The following CPSF3 variants were observed in gnomAD, a reference collection of about 807,000 sequenced individuals.
CPSF3 encodes the protein cleavage and polyadenylation specific factor 3.
In CPSF3, 57 loss-of-function variants were observed where a neutral mutation model predicts 84.1. That is an observed-to-expected ratio of 0.68 (90% CI 0.55 to 0.85). CPSF3 has a LOEUF of 0.85. Among genes scored for constraint, CPSF3 ranks in the 40% least tolerant of loss-of-function variants. The pLI is 0.00. For synonymous variants in CPSF3, 275 were observed against 278.1 expected (o/e 0.99, Z 0.11); for missense variants, 522 against 838.8 (o/e 0.62, Z 4.66).
chr2:9,436,162 T>A, intron 6 of CPSF3, 49 bp from the exon 7 acceptor site: 1 of 1,465,316 alleles, frequency 6.8e-7, no homozygotes, highest in South Asian at 1.5e-5. Context: ...ACTTTTGAAT[T>A]CTTGGAGGAT....
rs1225122807 is a variant in CPSF3, at chr2:9,448,320, C to T, written c.1365C>T (p.Thr455=). Residue 455 remains threonine, a synonymous_variant, in exon 11 of 18, where the codon ACC becomes ACT. Coordinates refer to ENST00000238112, the MANE Select transcript of CPSF3 (RefSeq NM_016207.4). ...ATCCTCGGAATACAGAAGCAGTGAC[C>T]TTAAACTTCAGAGGAGAAAAACTAG... ...VHNPRNTEAV[T]LNFRGEKLAK... The T allele has an allele frequency of 1.2e-6, 2 of 1,612,598 alleles. No homozygotes were observed. Among genetic ancestry groups the T allele is most frequent in the Non-Finnish European group, 1.7e-6 (2 of 1,179,412 alleles).
intron 8 of CPSF3, among the ~76,000 whole-genome samples, chr2:9,440,904 T>G (rs1190795882): frequency 6.6e-6 from 1 of 152,234 alleles, no homozygotes; most frequent in Non-Finnish European, 1.5e-5. Flanking sequence ...CTGGCTGAAT[T>G]CCTCTTGCTG....
chr2:9,437,183 C>T (rs1169559159), intron 7 of CPSF3, among the ~76,000 whole-genome samples: 3 of 152,218 alleles, frequency 2.0e-5, no homozygotes, highest in Admixed American at 2.0e-4. Context: ...GTGGGCAGAT[C>T]ACTTGAGGCC....
intron 15 of CPSF3, among the ~76,000 whole-genome samples, chr2:9,464,524 T>C (rs146120252): frequency 5.8e-4 from 89 of 152,140 alleles, no homozygotes; most frequent in African/African-American, 1.8e-3. Flanking sequence ...AATTCTGTTA[T>C]ATAGTTTTCT....
chr2:9,452,764 C>G, intron 11 of CPSF3, 149 bp from the exon 12 acceptor site: 1 of 615,908 alleles, frequency 1.6e-6, no homozygotes, highest in Non-Finnish European at 2.9e-6. Flanking sequence ...ATAGAGATAT[C>G]AAACATTTTA....
At chr2:9,454,877 C>T (rs546796044) in intron 12 of CPSF3, among the ~76,000 whole-genome samples, 1 of 152,082 alleles carries the variant, frequency 6.6e-6, no homozygotes, top group East Asian at 1.9e-4. Context: ...TAGTCCCAGC[C>T]CTTGAAATCT....
chr2:9,473,082 G>A lies in CPSF3; in HGVS notation c.*65G>A. 1 of 1,167,550 alleles carries A rather than the reference G, an allele frequency of 8.6e-7. No homozygotes were observed. Among genetic ancestry groups the A allele is most frequent in the South Asian group, 1.3e-5 (1 of 77,580 alleles). The allele number at this position is 1,167,550 out of a possible 1,614,324, so 72.3% of individuals were successfully genotyped here. ...CTACTTTTGTTACCTAAAATAAAAT[G>A]CATTCGTTTCTCTGGGGGAGCCTGT... On this transcript the variant is annotated 3_prime_UTR_variant, in exon 18 of 18. Transcript: ENST00000238112.
intron 1 of CPSF3, among the ~76,000 whole-genome samples, chr2:9,425,997 AT>A (rs1284910641): frequency 1.3e-5 from 2 of 152,232 alleles, no homozygotes; most frequent in African/African-American, 2.4e-5. Flanking sequence ...AAGTGTGATC[AT>A]ACAATACATA....
intron 7 of CPSF3, among the ~76,000 whole-genome samples, chr2:9,438,543 AG>A (rs1441051537): frequency 7.2e-6 from 1 of 138,468 alleles, no homozygotes; most frequent in African/African-American, 2.7e-5. Context: ...CCTGTCACCC[AG>A]GCTGGAGTGT....
chr2:9,427,047 G>T (rs1316280708), intron 1 of CPSF3, among the ~76,000 whole-genome samples: 3 of 152,174 alleles, frequency 2.0e-5, no homozygotes, highest in Non-Finnish European at 4.4e-5. Context: ...GGAACTAAAG[G>T]AGCTTAGAGT....
At chr2:9,470,907 G>T (rs1038892874) in intron 16 of CPSF3, among the ~76,000 whole-genome samples, 1 of 152,170 alleles carries the variant, frequency 6.6e-6, no homozygotes, top group Non-Finnish European at 1.5e-5. Flanking sequence ...AGGCAAATAA[G>T]AAGCTTGTCT....
At chr2:9,461,629 C>T (rs1035652489) in intron 15 of CPSF3, among the ~76,000 whole-genome samples, 1 of 151,342 alleles carries the variant, frequency 6.6e-6, no homozygotes, top group Non-Finnish European at 1.5e-5. Flanking sequence ...GAGATCACAC[C>T]ACTGCATTTC....
At chr2:9,435,813 ACCT>A (rs1362430300) in intron 6 of CPSF3, among the ~76,000 whole-genome samples, 3 of 151,322 alleles carry the variant, frequency 2.0e-5, no homozygotes, top group South Asian at 2.1e-4. Context: ...GCTCACTGCA[ACCT>A]CCTCCTCCTG....
intron 7 of CPSF3, 122 bp from the exon 8 acceptor site, chr2:9,440,369 A>G (rs1354518671): frequency 2.4e-6 from 2 of 836,370 alleles, no homozygotes; most frequent in Non-Finnish European, 3.6e-6. Flanking sequence ...TTTAAAATAT[A>G]GTTGTGTGCT....
At chr2:9,437,820 G>A (rs991559851) in intron 7 of CPSF3, among the ~76,000 whole-genome samples, 1 of 152,162 alleles carries the variant, frequency 6.6e-6, no homozygotes, top group Non-Finnish European at 1.5e-5. Context: ...GGGCAACAAG[G>A]CAAGACCCTG....
rs1680967599 is a variant in CPSF3, at chr2:9,441,876, T to C, written c.995T>C (p.Met332Thr). ...GTTGTAATGGCCTCCCCAGGCATGA[T>C]GCAAAGTGGCTTATCCAGAGAATTA... ...PSVVMASPGM[M>T]QSGLSRELFE... The change falls in exon 9 of 18, where the codon ATG becomes ACG. Residue 332 changes from methionine (M) to threonine (T), a missense_variant. Met to Thr is a moderately conservative substitution (Grantham distance 81). Transcript: ENST00000238112. The C allele has an allele frequency of 6.2e-7, 1 of 1,614,084 alleles. No homozygotes were observed. Among genetic ancestry groups the C allele is most frequent in the Non-Finnish European group, 8.5e-7 (1 of 1,180,034 alleles).
In CPSF3 at chr2:9,440,611, G is replaced by A. The variant is rs1300633534; in HGVS notation, c.881G>A (p.Arg294His). The change falls in exon 8 of 18, where the codon CGC becomes CAC. Residue 294 changes from arginine (R) to histidine (H), a missense_variant. Physicochemically the swap from Arg to His is conservative, Grantham distance 29 (BLOSUM62 0). This residue lies in a region of CPSF3 where 329 missense variants were observed against 607.2 expected (regional missense o/e 0.54). Transcript: ENST00000238112. ...GTAAATGCCATGAATGACAAAATCC[G>A]CAAACAGATCAACATCAATAATCCC... ...TYVNAMNDKI[R>H]KQININNPFV... is the part of the protein sequence containing the mutation. 5 of 1,613,990 alleles carry A rather than the reference G, an allele frequency of 3.1e-6. No individual in the cohort carries two copies. The highest frequency in any genetic ancestry group is 4.2e-6 in the Non-Finnish European group (5 of 1,180,002).
rs377657707 is a variant in CPSF3 at position 9,462,586 on chromosome 2, A to G, written c.1786+2968A>G. ...AACAAGAGGTGCTGTGGTATGACAG[A>G]TAATCTCCACATAGCTCGTGTGTGT... On this transcript the variant is annotated intron_variant, in intron 15 of 17. Transcript: ENST00000238112. Among the ~76,000 whole-genome samples, 96 of 152,310 alleles carry G rather than the reference A, an allele frequency of 6.3e-4. 1 individual carries two copies. The highest frequency in any genetic ancestry group is 2.3e-3 in the African/African-American group (94 of 41,564).
At chr2:9,459,295 G>A (rs1660281747) in intron 14 of CPSF3, among the ~76,000 whole-genome samples, 1 of 152,080 alleles carries the variant, frequency 6.6e-6, no homozygotes, top group Admixed American at 6.6e-5. Flanking sequence ...AAATGATAAT[G>A]CCTATAAAAC....
Sources: gnomAD v4.1 joint callset for allele counts (sites outside exome capture counted in the v4.1 genomes callset) on GRCh38, gnomAD v4.1.1 for gene constraint, gnomAD v4.1.1 regional missense constraint, MANE v1.5 for transcripts, NCBI Gene and HGNC (gene_info 2026-07-23, HGNC 2026-07-21) for gene names.